NKAIN2: variants seen among roughly 807,000 people sequenced by gnomAD.
NKAIN2 encodes sodium/potassium transporting ATPase interacting 2, also known as sodium/potassium-transporting ATPase subunit beta-1-interacting protein 2.
A neutral mutation model predicts 32.6 loss-of-function variants in NKAIN2; 14 were observed. The ratio of observed to expected loss-of-function variants is 0.43; its 90% confidence interval spans 0.28 to 0.67. NKAIN2 has a LOEUF of 0.67. Among genes scored for constraint, NKAIN2 ranks in the 30% least tolerant of loss-of-function variants. The pLI is 0.17. For synonymous variants in NKAIN2, 80 were observed against 87.2 expected (o/e 0.92, Z 0.46); for missense variants, 198 against 258.3 (o/e 0.77, Z 1.60).
intron 4 of NKAIN2, among the ~76,000 whole-genome samples, chr6:124,776,996 AAGAG>A (rs1275152307): frequency 2.6e-5 from 4 of 152,198 alleles, no homozygotes; most frequent in Non-Finnish European, 5.9e-5. Flanking sequence ...ATCATTAATA[AAGAG>A]AAATAGTTGG....
intron 1 of NKAIN2, among the ~76,000 whole-genome samples, chr6:124,212,376 C>T (rs802243): frequency 0.8 from 122,130 of 152,008 alleles, 49,256 homozygotes; most frequent in South Asian, 0.85. Context: ...TAATTAGCGA[C>T]AGGCATTATA....
At chr6:123,921,485 T>G (rs1775752240) in intron 1 of NKAIN2, among the ~76,000 whole-genome samples, 1 of 152,152 alleles carries the variant, frequency 6.6e-6, no homozygotes, top group South Asian at 2.1e-4. Flanking sequence ...GTGCCAGATG[T>G]TCAATGTATC....
intron 3 of NKAIN2, among the ~76,000 whole-genome samples, chr6:124,383,193 A>C (rs1376191355): frequency 6.6e-6 from 1 of 152,090 alleles, no homozygotes; most frequent in Non-Finnish European, 1.5e-5. Context: ...TTACCTCGCT[A>C]GTGTCTTTGC....
chr6:124,578,723 C>T (rs191985987), intron 3 of NKAIN2, among the ~76,000 whole-genome samples: 125 of 152,130 alleles, frequency 8.2e-4, no homozygotes, highest in African/African-American at 2.7e-3. Flanking sequence ...CTTGAGTGAA[C>T]GTAAGTGGTA....
At chr6:124,659,906 A>T (rs950412633) in intron 4 of NKAIN2, among the ~76,000 whole-genome samples, 3 of 152,142 alleles carry the variant, frequency 2.0e-5, no homozygotes, top group African/African-American at 7.2e-5. Context: ...TAAAACACTA[A>T]GTAATATCCC....
chr6:123,841,512 A>T (rs1162604150), intron 1 of NKAIN2, among the ~76,000 whole-genome samples: 1 of 152,206 alleles, frequency 6.6e-6, no homozygotes, highest in Non-Finnish European at 1.5e-5. Context: ...GCAGGGACAA[A>T]TTCAGTTGTG....
At chr6:124,711,603 G>C (rs1489767454) in intron 4 of NKAIN2, among the ~76,000 whole-genome samples, 3 of 149,822 alleles carry the variant, frequency 2.0e-5, no homozygotes, top group Non-Finnish European at 4.5e-5. Context: ...TCTTCCAGTT[G>C]ATCGCATCGG....
intron 3 of NKAIN2, among the ~76,000 whole-genome samples, chr6:124,399,721 AAAG>A (rs759616952): frequency 1.1e-4 from 16 of 152,214 alleles, no homozygotes; most frequent in African/African-American, 2.2e-4. Flanking sequence ...GATAGAATTA[AAAG>A]AAGAACAGCC....
At chr6:124,380,803 C>T (rs1317751955) in intron 3 of NKAIN2, among the ~76,000 whole-genome samples, 2 of 152,260 alleles carry the variant, frequency 1.3e-5, no homozygotes, top group South Asian at 4.1e-4. Context: ...ATGACCAAGA[C>T]GTGACATAGA....
intron 1 of NKAIN2, among the ~76,000 whole-genome samples, chr6:123,912,769 C>T (rs1057207115): frequency 6.6e-6 from 1 of 152,112 alleles, no homozygotes; most frequent in Non-Finnish European, 1.5e-5. Context: ...TGCAGGGGCA[C>T]CAGCCAAATA....
chr6:124,469,423 G>A (rs1241225172), intron 3 of NKAIN2, among the ~76,000 whole-genome samples: 1 of 152,022 alleles, frequency 6.6e-6, no homozygotes, highest in East Asian at 1.9e-4. Flanking sequence ...ATGGACCATG[G>A]TCAATATAAT....
intron 3 of NKAIN2, among the ~76,000 whole-genome samples, chr6:124,493,247 G>T (rs1426798276): frequency 2.6e-5 from 4 of 151,864 alleles, no homozygotes; most frequent in Admixed American, 6.6e-5. Context: ...AACATATTTA[G>T]CCTAGATATA....
rs879830744 is a variant in NKAIN2, at chr6:124,726,652, C to T, written c.475-64687C>T. Among the ~76,000 whole-genome samples the T allele has an allele frequency of 2.0e-5, 3 of 147,550 alleles. No homozygotes were observed. The Admixed American group carries it at 2.1e-4, about 10-fold the overall frequency. On this transcript the variant is annotated intron_variant, in intron 4 of 6. Coordinates refer to ENST00000368417, the MANE Select transcript of NKAIN2 (RefSeq NM_001040214.3). ...GGAAACTCTAAAAACCAGAGCGCCTCTCCTCCTCCAAAGGAACGCAGTTCC... is the reference window on the plus strand; with the variant it reads ...GGAAACTCTAAAAACCAGAGCGCCTTTCCTCCTCCAAAGGAACGCAGTTCC...
intron 1 of NKAIN2, among the ~76,000 whole-genome samples, chr6:123,994,181 G>A (rs2114695582): frequency 6.7e-6 from 1 of 149,302 alleles, no homozygotes; most frequent in South Asian, 2.1e-4. Context: ...GGAGAAAAGA[G>A]AGAAACAAAG....
intron 1 of NKAIN2, among the ~76,000 whole-genome samples, chr6:124,277,428 CGTGTGTGTGT>C (rs56300244): frequency 4.3e-4 from 63 of 145,210 alleles, no homozygotes; most frequent in African/African-American, 9.9e-4. Context: ...GTCTGTGTGT[CGTGTGTGTGT>C]GTGTGTGTGT....
At chr6:123,883,787 C>T (rs1773579038) in intron 1 of NKAIN2, among the ~76,000 whole-genome samples, 1 of 145,548 alleles carries the variant, frequency 6.9e-6, no homozygotes, top group African/African-American at 2.5e-5. Flanking sequence ...CCCAGCTACT[C>T]GGGAAGCTGG....
chr6:124,445,003 A>C (rs62436359), intron 3 of NKAIN2, among the ~76,000 whole-genome samples: 3,472 of 152,188 alleles, frequency 0.023, 86 homozygotes, highest in Non-Finnish European at 0.033. Context: ...TAATACATGC[A>C]TGCAATGGAA....
chr6:123,883,482 G>A (rs1773555247), intron 1 of NKAIN2, among the ~76,000 whole-genome samples: 1 of 151,410 alleles, frequency 6.6e-6, no homozygotes, highest in Non-Finnish European at 1.5e-5. Flanking sequence ...TTTAAAAAGT[G>A]TGTAGCGCCT....
At chr6:123,854,591 A>T (rs1271740631) in intron 1 of NKAIN2, among the ~76,000 whole-genome samples, 3 of 152,184 alleles carry the variant, frequency 2.0e-5, no homozygotes, top group East Asian at 3.9e-4. Context: ...AATGTTTCAC[A>T]TACGTTATTA....
Sources: allele counts gnomAD v4.1 joint callset (sites outside exome capture counted in the v4.1 genomes callset), GRCh38; gene constraint gnomAD v4.1.1; transcripts MANE v1.5; gene names NCBI Gene and HGNC (gene_info 2026-07-23, HGNC 2026-07-21).